The following HYDIN variants were observed in gnomAD, a reference collection of about 807,000 sequenced individuals.
HYDIN encodes the protein axonemal central pair apparatus protein HYDIN.
A neutral mutation model predicts 403.9 loss-of-function variants in HYDIN; 132 were observed. The observed-to-expected ratio is 0.33, with a 90% CI of 0.28 to 0.38. The LOEUF (loss-of-function observed/expected upper bound fraction) is 0.38. HYDIN is among the 10% of genes least tolerant of loss of function. The pLI is 1.00. For missense variants in HYDIN, 2,827 were observed against 5,009.5 expected (o/e 0.56, Z 13.15); for synonymous variants, 1,202 against 1,891.7 (o/e 0.64, Z 9.46).
At chr16:70,863,343 G>A (rs983658187) in intron 67 of HYDIN, among the ~76,000 whole-genome samples, 161 bp from the exon 68 acceptor site, 2 of 152,012 alleles carry the variant, frequency 1.3e-5, no homozygotes, top group Admixed American at 6.6e-5. Context: ...TAGAAATCAT[G>A]CATATGATAT....
At chr16:71,208,141 T>C (rs2088396413) in intron 1 of HYDIN, among the ~76,000 whole-genome samples, 2 of 152,184 alleles carry the variant, frequency 1.3e-5, no homozygotes, top group Non-Finnish European at 2.9e-5. Context: ...ACATGGTACA[T>C]ATTCTAAAAT....
chr16:71,069,252 G>A lies in HYDIN; in HGVS notation c.1974+15C>T, dbSNP rs1330503097. The A allele has an allele frequency of 5.0e-6, 8 of 1,596,708 alleles. No homozygotes were observed. In the East Asian group the frequency reaches 6.7e-5, roughly 13 times the overall value. ...AGCTGCTTAGCTGTGTGTGCAGGAAGGCCATGCACTTTACCCTGATAGCAG... is the reference window on the plus strand; with the variant it reads ...AGCTGCTTAGCTGTGTGTGCAGGAAAGCCATGCACTTTACCCTGATAGCAG... On this transcript the variant is annotated intron_variant, in intron 14 of 85. Transcript: ENST00000393567.
Position 70,868,867 on chromosome 16 carries a change from A to G in HYDIN, c.11092-79T>C, listed in dbSNP as rs531566533. The G allele has an allele frequency of 1.4e-5, 20 of 1,451,734 alleles. No individual in the cohort carries two copies. In the Admixed American group the frequency reaches 3.4e-4, roughly 25 times the overall value. The allele number at this position is 1,451,734 out of a possible 1,614,324, so 89.9% of individuals were successfully genotyped here. The stretch of plus-strand genomic sequence containing the variant: ...GATACCTGCTGGTGATATTCTAGAG[A>G]AGGGAAGGAGCCAAAGGTCTTGGCA... On this transcript the variant is annotated intron_variant, in intron 65 of 85. Coordinates refer to ENST00000393567, the MANE Select transcript of HYDIN (RefSeq NM_001270974.2).
chr16:70,882,822 G>T lies in HYDIN; in HGVS notation c.10053C>A (p.Ile3351=). ...GCCCCCCGCTCTCTATGGTCTGCAG[G>T]ATGTGGTGCAGGTTGGCACTGGTAC... is the stretch of plus-strand genomic sequence containing the variant. ...QICTSANLHH[I]LQTIESGGLF... Residue 3351 remains isoleucine, a synonymous_variant, in exon 60 of 86, where the codon ATC becomes ATA. Coordinates refer to ENST00000393567, the MANE Select transcript of HYDIN (RefSeq NM_001270974.2). The T allele has an allele frequency of 2.6e-6, 4 of 1,528,112 alleles. No homozygotes were observed. Among genetic ancestry groups the T allele is most frequent in the South Asian group, 1.1e-5 (1 of 89,220 alleles). The allele number at this position is 1,528,112 out of a possible 1,614,324, so 94.7% of individuals were successfully genotyped here.
In HYDIN at chr16:71,048,856, C is replaced by A. The variant is rs572799475; in HGVS notation, c.2529+11648G>T. Among the ~76,000 whole-genome samples the A allele has an allele frequency of 1.1e-3, 175 of 152,212 alleles. 2 individuals are homozygous for A. Among genetic ancestry groups the A allele is most frequent in the Non-Finnish European group, 1.6e-3 (108 of 67,994 alleles). On this transcript the variant is annotated intron_variant, in intron 18 of 85. Coordinates refer to ENST00000393567, the MANE Select transcript of HYDIN (RefSeq NM_001270974.2). ...TATATAACAAACCTGCACATGTACC[C>A]CTGAATCTAAAGTAAAAGTTAAAAA...
intron 45 of HYDIN, among the ~76,000 whole-genome samples, chr16:70,926,855 T>C (rs548010074): frequency 6.6e-6 from 1 of 151,418 alleles, no homozygotes; most frequent in East Asian, 1.9e-4. Flanking sequence ...AATGAAAAAC[T>C]GAAAGGAAGT....
intron 10 of HYDIN, among the ~76,000 whole-genome samples, chr16:71,097,528 T>A (rs1167779675): frequency 1.3e-5 from 2 of 148,562 alleles, no homozygotes; most frequent in Non-Finnish European, 1.5e-5. Context: ...ATTACTCAGC[T>A]TATCATTTAT....
chr16:70,837,955 T>C (rs2037551085), intron 76 of HYDIN, 67 bp from the exon 77 acceptor site: 1 of 1,527,204 alleles, frequency 6.5e-7, no homozygotes, highest in Non-Finnish European at 8.8e-7. Flanking sequence ...AGATGCTGTC[T>C]CCTTGTCTCT....
At chr16:71,149,575 G>A (rs893243138) in intron 7 of HYDIN, among the ~76,000 whole-genome samples, 10 of 152,002 alleles carry the variant, frequency 6.6e-5, no homozygotes, top group African/African-American at 2.4e-4. Context: ...TGCCCAGGCT[G>A]GAGTGCAGTA....
chr16:71,132,636 T>C (rs1203331499), intron 8 of HYDIN: 1 of 129,390 alleles, frequency 7.7e-6, no homozygotes, highest in Non-Finnish European at 1.6e-5. Flanking sequence ...TAGTGCTCCA[T>C]GGACTGAGGA....
chr16:70,926,341 C>T (rs928473498), intron 45 of HYDIN, among the ~76,000 whole-genome samples: 22 of 151,906 alleles, frequency 1.4e-4, no homozygotes, highest in Non-Finnish European at 2.4e-4. Flanking sequence ...AATCATCATT[C>T]TCAGTAAACT....
chr16:71,216,578 C>A (rs1394938970), intron 1 of HYDIN, among the ~76,000 whole-genome samples: 5 of 152,206 alleles, frequency 3.3e-5, no homozygotes, highest in Non-Finnish European at 4.4e-5. Flanking sequence ...GGTGGTTACA[C>A]ATCTGTTCCC....
chr16:70,982,571 AAT>A (rs33985255), intron 28 of HYDIN, among the ~76,000 whole-genome samples: 1 of 73,932 alleles, frequency 1.4e-5, no homozygotes, highest in South Asian at 4.2e-4. Flanking sequence ...TGAATCCAGC[AAT>A]ATATATATAT....
intron 44 of HYDIN, among the ~76,000 whole-genome samples, chr16:70,938,228 C>T (rs1203380059): frequency 1.7e-4 from 26 of 152,254 alleles, no homozygotes; most frequent in Admixed American, 1.6e-3. Flanking sequence ...GGATCACCAG[C>T]TGTGGACATT....
In HYDIN at chr16:70,970,688, C is replaced by A. The variant is rs2078707001; in HGVS notation, c.5451G>T (p.Gly1817=). 1 of 1,531,008 alleles carries A rather than the reference C, an allele frequency of 6.5e-7. No individual in the cohort carries two copies. Among genetic ancestry groups the A allele is most frequent in the African/African-American group, 1.4e-5 (1 of 73,142 alleles). 94.8% of individuals were successfully genotyped at this position (1,531,008 alleles called of 1,614,324 possible). ...SAQKLTLLAR[G]QGLEPRLEFS... ...ATTCCAGGCGTGGCTCTAGACCTTGCCCACGTGCCAGGAGGGTAAGCTTTT... is the reference window on the plus strand; with the variant it reads ...ATTCCAGGCGTGGCTCTAGACCTTGACCACGTGCCAGGAGGGTAAGCTTTT... The change falls in exon 36 of 86, where the codon GGG becomes GGT. Residue 1817 remains glycine (G), a synonymous_variant. Coordinates refer to ENST00000393567, the MANE Select transcript of HYDIN (RefSeq NM_001270974.2).
At chr16:70,955,345 C>A in intron 40 of HYDIN, 30 bp downstream of exon 40, 1 of 1,526,058 alleles carries the variant, frequency 6.6e-7, no homozygotes, top group East Asian at 2.3e-5. Flanking sequence ...GGTGACTTGA[C>A]CACAAAAACC....
At chr16:71,185,702 C>G (rs2087115077) in intron 2 of HYDIN, among the ~76,000 whole-genome samples, 1 of 152,110 alleles carries the variant, frequency 6.6e-6, no homozygotes, top group Non-Finnish European at 1.5e-5. Context: ...ACTAACCCAA[C>G]AAGGGATTAG....
chr16:70,969,092 A>G (rs192578365), intron 36 of HYDIN, among the ~76,000 whole-genome samples: 7 of 152,292 alleles, frequency 4.6e-5, no homozygotes, highest in African/African-American at 9.6e-5. Context: ...CTTACTCTGG[A>G]TAACAGAGAA....
intron 18 of HYDIN, among the ~76,000 whole-genome samples, chr16:71,039,877 G>A (rs867553794): frequency 6.6e-6 from 1 of 152,212 alleles, no homozygotes; most frequent in African/African-American, 2.4e-5. Flanking sequence ...GCCCTCATTG[G>A]CAGAGGGCAG....
Sources: allele counts gnomAD v4.1 joint callset (sites outside exome capture counted in the v4.1 genomes callset), GRCh38; gene constraint gnomAD v4.1.1; transcripts MANE v1.5; gene names NCBI Gene and HGNC (gene_info 2026-07-23, HGNC 2026-07-21).